The following TVP23A variants were observed in gnomAD, a reference collection of about 807,000 sequenced individuals.
TVP23A encodes trans-golgi network vesicle protein 23 homolog A.
Under a neutral mutation model 31.7 loss-of-function variants are expected in TVP23A, and 21 were observed. The observed-to-expected ratio is 0.66, with a 90% CI of 0.47 to 0.95. The LOEUF (loss-of-function observed/expected upper bound fraction) is 0.95. Ranked by LOEUF, TVP23A falls within the 40% of genes least tolerant of loss-of-function variation. The pLI is 0.00. For missense variants in TVP23A, 279 were observed against 255.6 expected (o/e 1.09, Z -0.62); for synonymous variants, 104 against 96.0 (o/e 1.08, Z -0.49).
downstream of TVP23A, among the ~76,000 whole-genome samples, chr16:10,758,762 C>T (rs916808726): frequency 6.6e-6 from 1 of 152,182 alleles, no homozygotes; most frequent in Non-Finnish European, 1.5e-5. Flanking sequence ...TTCAACAGAA[C>T]CAGCTGGGTG....
intron 2 of TVP23A, among the ~76,000 whole-genome samples, chr16:10,801,560 G>A (rs1007519183): frequency 2.6e-5 from 4 of 152,078 alleles, no homozygotes; most frequent in East Asian, 1.9e-4. Flanking sequence ...GGGTTCAAGC[G>A]ATTCTCATCC....
intron 7 of TVP23A, 96 bp downstream of exon 7, chr16:10,770,176 G>T: frequency 1.4e-6 from 2 of 1,476,296 alleles, no homozygotes; most frequent in Non-Finnish European, 9.1e-7. Flanking sequence ...AGGGAACAGG[G>T]GAAGCCCACC....
chr16:10,785,454 G>T (rs2142964854), intron 2 of TVP23A, among the ~76,000 whole-genome samples: 1 of 152,254 alleles, frequency 6.6e-6, no homozygotes, highest in Admixed American at 6.5e-5. Flanking sequence ...TAGGTATGAA[G>T]CTCTGTCTAA....
chr16:10,758,513 A>C (rs1175284427), downstream of TVP23A, among the ~76,000 whole-genome samples: 1 of 152,152 alleles, frequency 6.6e-6, no homozygotes, highest in Admixed American at 6.5e-5. Flanking sequence ...TGGTCTAGAC[A>C]TTTGCAGCTG....
intron 2 of TVP23A, among the ~76,000 whole-genome samples, chr16:10,795,092 C>T (rs1204876024): frequency 4.6e-5 from 7 of 152,068 alleles, no homozygotes; most frequent in South Asian, 2.1e-4. Context: ...AGCTGCCAGA[C>T]GCCATGAGAG....
intron 2 of TVP23A, among the ~76,000 whole-genome samples, chr16:10,784,066 C>G (rs1214631011): frequency 6.6e-6 from 1 of 152,100 alleles, no homozygotes; most frequent in Admixed American, 6.6e-5. Context: ...CGTGGTGGCT[C>G]ATGCCTGCCT....
chr16:10,812,072 AT>A (rs1431198016), intron 2 of TVP23A, among the ~76,000 whole-genome samples: 1 of 152,122 alleles, frequency 6.6e-6, no homozygotes, highest in East Asian at 1.9e-4. Flanking sequence ...CCGATAACTG[AT>A]TAAAAAAAAC....
intron 2 of TVP23A, among the ~76,000 whole-genome samples, chr16:10,788,674 G>C (rs985333831): frequency 6.6e-6 from 1 of 152,224 alleles, no homozygotes; most frequent in Non-Finnish European, 1.5e-5. Flanking sequence ...CAGTCACTTA[G>C]ATCTGAGAAG....
intron 2 of TVP23A, among the ~76,000 whole-genome samples, chr16:10,785,488 A>G (rs966546203): frequency 5.9e-5 from 9 of 152,180 alleles, no homozygotes; most frequent in South Asian, 4.1e-4. Flanking sequence ...AACTGGGAGG[A>G]GGCACAAACA....
In TVP23A at chr16:10,767,402, C is replaced by T; in HGVS notation, c.*1700G>A. On this transcript the variant is annotated 3_prime_UTR_variant, in exon 8 of 8. Transcript: ENST00000299866. This position sits in a 1 kb window ranked among gnomAD's most constrained non-coding sequence, Gnocchi z 4.6. The stretch of plus-strand genomic sequence containing the variant: ...AGATGACCTGGAAGATAAAATTATA[C>T]ACAGACAAAGCAGCAGGCAGAATGT... 2.5e-6 allele frequency: 1 copy of T among 400,220 alleles called. No homozygotes were observed. The highest frequency in any genetic ancestry group is 4.4e-6 in the Non-Finnish European group (1 of 227,282). 24.8% of individuals were successfully genotyped at this position (400,220 alleles called of 1,614,324 possible). A position where few individuals can be genotyped will look rare whatever the true frequency, so the allele number is the denominator to read the frequency against.
intron 2 of TVP23A, among the ~76,000 whole-genome samples, chr16:10,788,015 G>C (rs2032871172): frequency 6.6e-6 from 1 of 152,102 alleles, no homozygotes. Flanking sequence ...GCCCCATGGG[G>C]TCCTGAGAAC....
At chr16:10,761,971 A>T (rs561080948), downstream of TVP23A, 1 of 807,584 alleles carries the variant, frequency 1.2e-6, no homozygotes, top group Non-Finnish European at 2.0e-6. Context: ...AGGAGGGTCA[A>T]TGGGGCGCTG....
At position 10,773,381 on chromosome 16, in the gene TVP23A, T is replaced by C. The variant is rs1289358908; in HGVS notation, c.385A>G (p.Ile129Val). ...AEARIFWLGL[I>V]ICPMIWIVFF... is the part of the protein sequence containing the mutation. ...ACAATCCATATCATGGGGCAGATTA[T>C]GAGGCCCAGCCAGAAGATTCGTGCT... Residue 129 changes from isoleucine to valine, a missense_variant, in exon 5 of 8, where the codon ATA (isoleucine) becomes GTA (valine). Physicochemically the swap from Ile to Val is conservative, Grantham distance 29. Transcript: ENST00000299866. The C allele has an allele frequency of 1.4e-5, 22 of 1,612,326 alleles. No individual in the cohort carries two copies. The highest frequency in any genetic ancestry group is 1.7e-5 in the Non-Finnish European group (20 of 1,179,582).
chr16:10,804,747 A>AAAAC (rs2033864010), intron 2 of TVP23A, among the ~76,000 whole-genome samples: 1 of 152,200 alleles, frequency 6.6e-6, no homozygotes, highest in Admixed American at 6.5e-5. Context: ...CATTGTCTTT[A>AAAAC]AAACAAACAA....
chr16:10,776,524 A>G lies in TVP23A; in HGVS notation c.90-1428T>C, dbSNP rs530966100. Among the ~76,000 whole-genome samples, 35 of 152,354 alleles carry G rather than the reference A, an allele frequency of 2.3e-4. No individual in the cohort carries two copies. The South Asian group carries it at 6.6e-3, about 29-fold the overall frequency. ...TGGTTTCCCAGTTTAAATAGAGCAC[A>G]CAGGTAGAGAACGATACTCAACTAT... On this transcript the variant is annotated intron_variant, in intron 2 of 7. Transcript: ENST00000299866.
At chr16:10,816,820 A>G (rs559559977) in intron 2 of TVP23A, among the ~76,000 whole-genome samples, 1 of 152,220 alleles carries the variant, frequency 6.6e-6, no homozygotes, top group Non-Finnish European at 1.5e-5. Context: ...ACATGTATAC[A>G]TATGTAACGA....
intron 2 of TVP23A, among the ~76,000 whole-genome samples, chr16:10,810,185 G>A (rs986259182): frequency 2.0e-5 from 3 of 151,932 alleles, no homozygotes; most frequent in African/African-American, 7.3e-5. Flanking sequence ...GGGATACCCA[G>A]ATCACATCTG....
intron 2 of TVP23A, among the ~76,000 whole-genome samples, chr16:10,804,106 G>T (rs1948662211): frequency 6.6e-6 from 1 of 152,152 alleles, no homozygotes; most frequent in African/African-American, 2.4e-5. Flanking sequence ...TGGGTGAGTG[G>T]CCTTGGATGG....
chr16:10,804,173 C>G (rs1300332198), intron 2 of TVP23A, among the ~76,000 whole-genome samples: 2 of 152,188 alleles, frequency 1.3e-5, no homozygotes, highest in African/African-American at 4.8e-5. Context: ...ACACAGGCCC[C>G]TCAGGCCCCT....
Sources: allele counts gnomAD v4.1 joint callset (sites outside exome capture counted in the v4.1 genomes callset), GRCh38; gene constraint gnomAD v4.1.1; non-coding constraint Gnocchi (gnomAD v3.1); transcripts MANE v1.5; gene names NCBI Gene and HGNC (gene_info 2026-07-23, HGNC 2026-07-21).